The following CALD1 variants were observed in gnomAD, a reference collection of about 807,000 sequenced individuals.
CALD1 encodes caldesmon 1.
Under a neutral mutation model 99.9 loss-of-function variants are expected in CALD1, and 33 were observed. The ratio of observed to expected loss-of-function variants is 0.33; its 90% CI spans 0.25 to 0.44. CALD1 has a LOEUF of 0.44. Ranked by LOEUF, CALD1 falls within the 20% of genes least tolerant of loss-of-function variation. The probability of loss-of-function intolerance (pLI) is 1.00; values close to 1 mark genes in which losing one functional copy is unlikely to be tolerated. For synonymous variants in CALD1, 310 were observed against 325.0 expected (o/e 0.95, Z 0.50); for missense variants, 861 against 962.1 (o/e 0.89, Z 1.39).
chr7:134,719,597 C>A, the CALD1 span, among the ~76,000 whole-genome samples: 8 of 152,170 alleles, frequency 5.3e-5, no homozygotes, highest in South Asian at 1.2e-3. Context: ...CGGTAGTTTG[C>A]GAGGGGGGAT....
chr7:134,800,111 G>T (rs761144331), intron 1 of CALD1, among the ~76,000 whole-genome samples: 3 of 152,032 alleles, frequency 2.0e-5, no homozygotes, highest in Non-Finnish European at 4.4e-5. Flanking sequence ...CACAAAAAGA[G>T]AATTTTAAAA....
the CALD1 span, among the ~76,000 whole-genome samples, chr7:134,727,715 T>G: frequency 1.3e-5 from 2 of 152,322 alleles, no homozygotes; most frequent in African/African-American, 4.8e-5. Context: ...TTGGGTTTTT[T>G]GGGAAAACTG....
At chr7:134,772,144 C>T (rs1026998875) in intron 1 of CALD1, among the ~76,000 whole-genome samples, 6 of 147,772 alleles carry the variant, frequency 4.1e-5, no homozygotes, top group Admixed American at 6.8e-5. Context: ...ACTCAGGCTG[C>T]AGTGCAGTGG....
chr7:134,962,521 C>G, intron 13 of CALD1: 1 of 244,642 alleles, frequency 4.1e-6, no homozygotes, highest in Non-Finnish European at 8.2e-6. Flanking sequence ...TTAGTGAGAT[C>G]CTTCTTCCCA....
intron 1 of CALD1, among the ~76,000 whole-genome samples, chr7:134,770,040 T>A (rs541218976): frequency 2.1e-4 from 32 of 152,338 alleles, no homozygotes; most frequent in African/African-American, 7.2e-4. Context: ...AAATTTTTAT[T>A]TCTTGATGTA....
intron 2 of CALD1, chr7:134,844,253 C>G (rs1235722811): frequency 6.6e-6 from 1 of 151,810 alleles, no homozygotes; most frequent in Non-Finnish European, 1.5e-5. Context: ...CAAAACAGTC[C>G]TGGATCAATC....
chr7:134,954,254 G>T (rs191858246), intron 9 of CALD1, among the ~76,000 whole-genome samples: 144 of 152,266 alleles, frequency 9.5e-4, no homozygotes, highest in Non-Finnish European at 1.6e-3. Context: ...ATAAAGAATA[G>T]ATTTTAAGTA....
intron 2 of CALD1, among the ~76,000 whole-genome samples, chr7:134,866,068 G>A (rs541084898): frequency 1.3e-5 from 2 of 152,268 alleles, no homozygotes; most frequent in South Asian, 2.1e-4. Context: ...CCTGGCATTC[G>A]AGTCCAGGAG....
At chr7:134,863,021 G>A (rs1020558635) in intron 2 of CALD1, among the ~76,000 whole-genome samples, 1 of 152,070 alleles carries the variant, frequency 6.6e-6, no homozygotes, top group African/African-American at 2.4e-5. Flanking sequence ...ATCTCACCAT[G>A]TCTTCACATT....
chr7:134,941,686 T>C (rs566242959), intron 7 of CALD1, among the ~76,000 whole-genome samples: 20 of 152,350 alleles, frequency 1.3e-4, no homozygotes, highest in Middle Eastern at 3.4e-3. Flanking sequence ...CTAAGATTGT[T>C]TTGTGGCGAA....
chr7:134,915,376 CT>C (rs958321620), intron 3 of CALD1, among the ~76,000 whole-genome samples: 1 of 151,720 alleles, frequency 6.6e-6, no homozygotes, highest in African/African-American at 2.4e-5. Context: ...GAAATATGAA[CT>C]TTTTTTTTAA....
intron 3 of CALD1, among the ~76,000 whole-genome samples, chr7:134,910,503 A>C (rs1233550728): frequency 2.0e-5 from 3 of 152,224 alleles, no homozygotes; most frequent in Non-Finnish European, 4.4e-5. Context: ...GAATATAAGA[A>C]ATTTGCAAGG....
rs769469180 is a variant in CALD1 at position 134,933,522 on chromosome 7, T to C, written c.753T>C (p.Ile251=). The change falls in exon 5 of 15, where the codon ATT becomes ATC. Residue 251 remains isoleucine, a synonymous_variant. Coordinates refer to ENST00000361675, the MANE Select transcript of CALD1 (RefSeq NM_033138.4). ...AGAGGGAACAAGGTTCAGATGAGATTTCCCATCATGAAAAGATGGAAGAGG... is the reference window on the plus strand; with the variant it reads ...AGAGGGAACAAGGTTCAGATGAGATCTCCCATCATGAAAAGATGGAAGAGG... ...EEEREQGSDE[I]SHHEKMEEED... 1 of 1,613,830 alleles carries C rather than the reference T, an allele frequency of 6.2e-7. No individual in the cohort carries two copies. The highest frequency in any genetic ancestry group is 8.5e-7 in the Non-Finnish European group (1 of 1,179,930).
chr7:134,836,672 C>G (rs1171704741), intron 1 of CALD1, among the ~76,000 whole-genome samples: 1 of 152,226 alleles, frequency 6.6e-6, no homozygotes, highest in Non-Finnish European at 1.5e-5. Context: ...GGAAACTTAT[C>G]AAACACTGAC....
chr7:134,726,461 A>C, the CALD1 span, among the ~76,000 whole-genome samples: 1 of 139,980 alleles, frequency 7.1e-6, no homozygotes, highest in African/African-American at 2.6e-5. Context: ...AATATATATT[A>C]TATAGCTTTA....
rs935602694 is a variant in CALD1, at chr7:134,965,527, C to T, written c.2376+141C>T. 5 of 595,328 alleles carry T rather than the reference C, an allele frequency of 8.4e-6. No individual in the cohort carries two copies. In the African/African-American group the frequency reaches 9.2e-5, roughly 11 times the overall value. The allele number at this position is 595,328 out of a possible 1,614,324, so 36.9% of individuals were successfully genotyped here. A position where few individuals can be genotyped will look rare whatever the true frequency, so the allele number is the denominator to read the frequency against. On this transcript the variant is annotated intron_variant, in intron 14 of 14. Transcript: ENST00000361675. ...CCCATCAGTGTCTAAAAGACCAGTACATAACACAGTGAAATGAAAAGCGCA... is the reference window on the plus strand; with the variant it reads ...CCCATCAGTGTCTAAAAGACCAGTATATAACACAGTGAAATGAAAAGCGCA...
intron 1 of CALD1, among the ~76,000 whole-genome samples, chr7:134,759,967 C>T (rs1025299899): frequency 6.6e-6 from 1 of 152,152 alleles, no homozygotes; most frequent in Non-Finnish European, 1.5e-5. Context: ...AATGAGGTCT[C>T]CTTGATGTGG....
intron 3 of CALD1, among the ~76,000 whole-genome samples, chr7:134,897,445 G>A (rs1441672380): frequency 6.6e-6 from 1 of 150,714 alleles, no homozygotes; most frequent in Non-Finnish European, 1.5e-5. Flanking sequence ...CACACTTGCT[G>A]TGTACAAAGT....
chr7:134,726,573 A>T, the CALD1 span, among the ~76,000 whole-genome samples: 1 of 149,872 alleles, frequency 6.7e-6, no homozygotes, highest in Admixed American at 6.7e-5. Flanking sequence ...TACAGCTGAA[A>T]TACAGAATTA....
Sources: gnomAD v4.1 joint callset for allele counts (sites outside exome capture counted in the v4.1 genomes callset) on GRCh38, gnomAD v4.1.1 for gene constraint, MANE v1.5 for transcripts, NCBI Gene and HGNC (gene_info 2026-07-23, HGNC 2026-07-21) for gene names.